Variants in KATNAL2 observed in about 807,000 individuals in gnomAD.
The protein encoded by KATNAL2 is katanin catalytic subunit A1 like 2.
In KATNAL2, 52 loss-of-function variants were observed where a neutral mutation model predicts 76.3. That is an observed-to-expected ratio of 0.68 (90% CI 0.55 to 0.86). KATNAL2 has a LOEUF of 0.86. Among genes scored for constraint, KATNAL2 ranks in the 40% least tolerant of loss-of-function variants. The pLI is 0.00. For synonymous variants in KATNAL2, 243 were observed against 244.2 expected (o/e 1.00, Z 0.05); for missense variants, 660 against 668.9 (o/e 0.99, Z 0.15).
intron 5 of KATNAL2, among the ~76,000 whole-genome samples, chr18:47,053,772 G>T (rs1214334374): frequency 2.6e-5 from 4 of 152,184 alleles, no homozygotes; most frequent in African/African-American, 7.2e-5. Context: ...GCTAGAAAAG[G>T]TCAAAGAGGT....
intron 1 of KATNAL2, among the ~76,000 whole-genome samples, chr18:46,942,845 T>A (rs9960463): frequency 0.42 from 63,749 of 151,500 alleles, 13,655 homozygotes; most frequent in Middle Eastern, 0.52. Flanking sequence ...TTTTTGCATA[T>A]CTAGCAATTT....
chr18:47,059,473 T>C (rs2061567264), intron 7 of KATNAL2, 83 bp from the exon 8 acceptor site: 2 of 927,070 alleles, frequency 2.2e-6, no homozygotes, highest in Admixed American at 3.6e-5. Context: ...AGCATCGGAC[T>C]TTGCTTGATG....
At chr18:47,039,304 A>T (rs1427483986) in intron 3 of KATNAL2, among the ~76,000 whole-genome samples, 1 of 152,144 alleles carries the variant, frequency 6.6e-6, no homozygotes, top group Admixed American at 6.5e-5. Flanking sequence ...ATTCACAGAG[A>T]TATACTTCCA....
At chr18:47,083,107 T>TA (rs1485572998) in intron 15 of KATNAL2, among the ~76,000 whole-genome samples, 1 of 152,218 alleles carries the variant, frequency 6.6e-6, no homozygotes, top group African/African-American at 2.4e-5. Context: ...TTTCCTTGCA[T>TA]AAAAATCTTT....
chr18:46,943,094 A>G (rs2059292932), intron 1 of KATNAL2, among the ~76,000 whole-genome samples: 1 of 152,058 alleles, frequency 6.6e-6, no homozygotes, highest in Non-Finnish European at 1.5e-5. Context: ...TAATTTTTCT[A>G]CTTGCAGCAC....
At chr18:47,037,060 GCTTTTTAA>G (rs1403967939) in intron 3 of KATNAL2, among the ~76,000 whole-genome samples, 4 of 152,134 alleles carry the variant, frequency 2.6e-5, no homozygotes, top group African/African-American at 9.7e-5. Context: ...AGTGATGTAT[GCTTTTTAA>G]CTGTTTGTTT....
At chr18:46,945,875 T>C (rs2059371113) in intron 1 of KATNAL2, among the ~76,000 whole-genome samples, 182 bp from the exon 2 acceptor site, 1 of 152,202 alleles carries the variant, frequency 6.6e-6, no homozygotes, top group Non-Finnish European at 1.5e-5. Context: ...GATTTCCCAA[T>C]TAGGAAGTTA....
intron 15 of KATNAL2, 196 bp downstream of exon 15, chr18:47,077,657 A>G (rs2062303514): frequency 2.0e-6 from 1 of 509,250 alleles, no homozygotes; most frequent in Non-Finnish European, 3.5e-6. Flanking sequence ...CAGAGGAAAC[A>G]CAGGCCAGGG....
At chr18:46,956,353 T>A (rs967789256) in intron 3 of KATNAL2, among the ~76,000 whole-genome samples, 5 of 152,342 alleles carry the variant, frequency 3.3e-5, no homozygotes, top group Admixed American at 6.5e-5. Flanking sequence ...CACTACTGAT[T>A]ATTTTTAGAA....
At chr18:47,046,775 T>G (rs1410030735) in intron 4 of KATNAL2, among the ~76,000 whole-genome samples, 1 of 152,188 alleles carries the variant, frequency 6.6e-6, no homozygotes. Context: ...CTGAAGTCCA[T>G]AGTTTACATT....
At chr18:46,930,269 CTTCT>C (rs1345681806) in intron 1 of KATNAL2, among the ~76,000 whole-genome samples, 1 of 152,124 alleles carries the variant, frequency 6.6e-6, no homozygotes, top group African/African-American at 2.4e-5. Context: ...ACTCTGTTGT[CTTCT>C]TTCTATTTTG....
At position 47,069,509 on chromosome 18, in the gene KATNAL2, C is replaced by G. The variant is rs745689738; in HGVS notation, c.917C>G (p.Ala306Gly). ...ACAGGAAAGACTTTACTGGCCAAAG[C>G]TGTGGCCACTGAATGTAAAACAACC... ...PGTGKTLLAKAVATECKTTFF... is the reference protein window; with the variant it reads ...PGTGKTLLAKGVATECKTTFF... The change falls in exon 13 of 18, where the codon GCT becomes GGT. Residue 306 changes from alanine (A) to glycine (G), a missense_variant. Ala to Gly is a moderately conservative substitution (Grantham distance 60, BLOSUM62 0). Transcript: ENST00000683218. 1.2e-6 allele frequency: 2 copies of G among 1,613,916 alleles called. No homozygotes were observed. Among genetic ancestry groups the G allele is most frequent in the East Asian group, 2.2e-5 (1 of 44,892 alleles).
At chr18:47,032,882 G>T (rs1026818540) in intron 3 of KATNAL2, 3 of 1,573,150 alleles carry the variant, frequency 1.9e-6, no homozygotes, top group Non-Finnish European at 2.6e-6. Context: ...AGAATTCAAA[G>T]GCTCAACTTT....
At chr18:47,098,319 A>T in intron 15 of KATNAL2, 1 of 291,214 alleles carries the variant, frequency 3.4e-6, no homozygotes, top group Non-Finnish European at 6.8e-6. Flanking sequence ...ACAGTTTCAC[A>T]TGGATGGGGA....
intron 4 of KATNAL2, among the ~76,000 whole-genome samples, chr18:47,048,828 C>T (rs75204234): frequency 2.6e-5 from 2 of 76,762 alleles, no homozygotes; most frequent in Admixed American, 2.0e-4. Flanking sequence ...AAGCCAGACT[C>T]TTTTTTTTTT....
At chr18:47,031,899 G>A (rs1056954610) in intron 3 of KATNAL2, among the ~76,000 whole-genome samples, 1 of 152,154 alleles carries the variant, frequency 6.6e-6, no homozygotes, top group Non-Finnish European at 1.5e-5. Flanking sequence ...CTGTGTGTGT[G>A]TGTATCATAT....
Position 47,075,443 on chromosome 18 carries a change from C to T in KATNAL2, c.1100+75C>T, listed in dbSNP as rs553140394. On this transcript the variant is annotated intron_variant, in intron 14 of 17. Transcript: ENST00000683218. Reference sequence around the variant, plus strand: ...TCTCCCCTCTTGTGTGTTTGATGGTCGGAAGCCTATAGACATTTACTAGCA... The same window carrying T: ...TCTCCCCTCTTGTGTGTTTGATGGTTGGAAGCCTATAGACATTTACTAGCA... The T allele has an allele frequency of 7.1e-6, 8 of 1,122,344 alleles. No individual in the cohort carries two copies. The East Asian group carries it at 1.3e-4, about 18-fold the overall frequency. 69.5% of individuals were successfully genotyped at this position (1,122,344 alleles called of 1,614,324 possible).
chr18:47,099,098 G>T, intron 15 of KATNAL2, 145 bp from the exon 16 acceptor site: 34 of 648,994 alleles, frequency 5.2e-5, no homozygotes, highest in South Asian at 1.1e-4. Flanking sequence ...AATATTAATT[G>T]TCCCATCCAC....
At chr18:47,050,590 A>G (rs2061312411) in intron 4 of KATNAL2, among the ~76,000 whole-genome samples, 2 of 152,222 alleles carry the variant, frequency 1.3e-5, no homozygotes, top group South Asian at 4.1e-4. Flanking sequence ...GGCTCTTTGT[A>G]TCGTGAATCA....
Sources: gnomAD v4.1 joint callset for allele counts (sites outside exome capture counted in the v4.1 genomes callset) on GRCh38, gnomAD v4.1.1 for gene constraint, MANE v1.5 for transcripts, NCBI Gene and HGNC (gene_info 2026-07-23, HGNC 2026-07-21) for gene names.